DCC: variants seen among roughly 807,000 people sequenced by gnomAD.
DCC encodes the protein DCC netrin 1 receptor.
Under a neutral mutation model 172.5 loss-of-function variants are expected in DCC, and 58 were observed. The ratio of observed to expected loss-of-function variants is 0.34; its 90% CI spans 0.27 to 0.42. The LOEUF is 0.42. Ranked by LOEUF, DCC falls within the 10% of genes least tolerant of loss-of-function variation. The pLI, the probability that DCC is intolerant of heterozygous loss-of-function variation, is 1.00. For synonymous variants in DCC, 709 were observed against 644.5 expected (o/e 1.10, Z -1.52); for missense variants, 1,740 against 1,791.0 (o/e 0.97, Z 0.51).
intron 1 of DCC, among the ~76,000 whole-genome samples, chr18:52,366,899 G>T (rs567092012): frequency 2.0e-4 from 30 of 152,354 alleles, no homozygotes; most frequent in African/African-American, 6.5e-4. Context: ...CGTGCCGTGC[G>T]CTCGCACTCC....
At chr18:53,466,911 A>G (rs1346066309) in intron 24 of DCC, among the ~76,000 whole-genome samples, 1 of 152,212 alleles carries the variant, frequency 6.6e-6, no homozygotes, top group Non-Finnish European at 1.5e-5. Context: ...AGCTTCCATG[A>G]CTTCACCTAT....
intron 1 of DCC, among the ~76,000 whole-genome samples, chr18:52,611,596 T>A (rs1190202207): frequency 6.6e-6 from 1 of 152,194 alleles, no homozygotes; most frequent in Non-Finnish European, 1.5e-5. Flanking sequence ...ATGTTGGGTG[T>A]CTCCTATTAG....
At chr18:53,130,055 G>T (rs1430419131) in intron 7 of DCC, among the ~76,000 whole-genome samples, 1 of 151,964 alleles carries the variant, frequency 6.6e-6, no homozygotes, top group South Asian at 2.1e-4. Context: ...TGTGTTTCTT[G>T]TGTTACCTGT....
rs2038188076 is a variant in DCC, at chr18:52,811,052, G to A, written c.412+58678G>A. 2.0e-5 allele frequency among the ~76,000 whole-genome samples: 3 copies of A among 152,110 alleles called. No homozygotes were observed. The South Asian group carries it at 6.2e-4, about 32-fold the overall frequency. ...AGGGGACAACACACAAATCGTTGAT[G>A]AATTTTTAAAATGTGGGAAATTGAA... On this transcript the variant is annotated intron_variant, in intron 2 of 28. Coordinates refer to ENST00000442544, the MANE Select transcript of DCC (RefSeq NM_005215.4).
intron 2 of DCC, among the ~76,000 whole-genome samples, chr18:52,768,497 C>T (rs890506117): frequency 1.3e-5 from 2 of 152,168 alleles, no homozygotes; most frequent in African/African-American, 2.4e-5. Flanking sequence ...CTGCCCTCAA[C>T]ATTTCAGACT....
chr18:52,990,303 G>A (rs973989859), intron 5 of DCC, among the ~76,000 whole-genome samples: 1 of 152,016 alleles, frequency 6.6e-6, no homozygotes, highest in African/African-American at 2.4e-5. Flanking sequence ...CACTTTGGGA[G>A]GCAGAGGCAG....
chr18:53,319,424 C>T lies in DCC; in HGVS notation c.2054-2623C>T, dbSNP rs755766854. On this transcript the variant is annotated intron_variant, in intron 13 of 28. Coordinates refer to ENST00000442544, the MANE Select transcript of DCC (RefSeq NM_005215.4). ...AATAAAGGGCTGGAGGAATATTTAC[C>T]GAGAAAATGGAAAGAAAGAAGAAAA... 1.4e-4 allele frequency among the ~76,000 whole-genome samples: 21 copies of T among 151,598 alleles called. 1 individual carries two copies. Among genetic ancestry groups the T allele is most frequent in the South Asian group, 4.2e-4 (2 of 4,786 alleles).
At chr18:53,458,264 T>C (rs16956767) in intron 23 of DCC, among the ~76,000 whole-genome samples, 73,905 of 152,006 alleles carry the variant, frequency 0.49, 18,980 homozygotes, top group Non-Finnish European at 0.58. Context: ...GGGTCAAAAA[T>C]GATTTCTGAA....
intron 7 of DCC, among the ~76,000 whole-genome samples, chr18:53,150,813 G>A (rs1326619046): frequency 1.3e-5 from 2 of 152,214 alleles, no homozygotes; most frequent in Non-Finnish European, 2.9e-5. Context: ...CTGAGAGGTA[G>A]CAAGGAGGCT....
rs567337795 is a variant in DCC, at chr18:53,266,469, A to G, written c.1912-39109A>G. ...GTTCAAGGTGAAGTAATTTATTTAC[A>G]AACACTCAAAGTTGAGACTCAACCC... On this transcript the variant is annotated intron_variant, in intron 12 of 28. Transcript: ENST00000442544. Among the ~76,000 whole-genome samples, 12 of 152,308 alleles carry G rather than the reference A, an allele frequency of 7.9e-5. No individual in the cohort carries two copies. In the East Asian group the frequency reaches 2.3e-3, roughly 29 times the overall value.
At chr18:52,451,228 C>T (rs1476862703) in intron 1 of DCC, among the ~76,000 whole-genome samples, 1 of 151,980 alleles carries the variant, frequency 6.6e-6, no homozygotes. Context: ...AAGAGGTGAC[C>T]TAGGGTATAT....
chr18:52,436,774 G>T lies in DCC; in HGVS notation c.91+95896G>T, dbSNP rs1439393563. 2.6e-5 allele frequency among the ~76,000 whole-genome samples: 4 copies of T among 152,102 alleles called. No homozygotes were observed. The East Asian group carries it at 7.7e-4, about 29-fold the overall frequency. The stretch of plus-strand genomic sequence containing the variant: ...ACTACAAACAAACAAACAAAAATCA[G>T]CTAGGCATGGTGGTACGCACCAGTA... On this transcript the variant is annotated intron_variant, in intron 1 of 28. Coordinates refer to ENST00000442544, the MANE Select transcript of DCC (RefSeq NM_005215.4).
rs71175533 is a variant in DCC at position 52,879,412 on chromosome 18, C to CTTTTTTTTTTTTTTTTTT, written c.413-26620_413-26603dup. On this transcript the variant is annotated intron_variant, in intron 2 of 28. Coordinates refer to ENST00000442544, the MANE Select transcript of DCC (RefSeq NM_005215.4). ...AATTTCTAGCCCATATGTTGTTTGG[C>CTTTTTTTTTTTTTTTTTT]TTTTTTTTTTTTTTTTTTTTTTTTT... Among the ~76,000 whole-genome samples, 248 of 62,298 alleles carry CTTTTTTTTTTTTTTTTTT rather than the reference C, an allele frequency of 4.0e-3. 54 individuals carry two copies. The highest frequency in any genetic ancestry group is 4.7e-3 in the East Asian group (8 of 1,698). The allele number at this position is 62,298 out of a possible 152,430, so 40.9% of individuals were successfully genotyped here. A position where few individuals can be genotyped will look rare whatever the true frequency, so the allele number is the denominator to read the frequency against.
chr18:52,856,047 G>A (rs1044715493), intron 2 of DCC, among the ~76,000 whole-genome samples: 2 of 151,732 alleles, frequency 1.3e-5, no homozygotes, highest in Admixed American at 1.3e-4. Flanking sequence ...TTACAGGCGT[G>A]AGCCACCGCG....
chr18:53,033,462 TG>T (rs1160945370), intron 5 of DCC, among the ~76,000 whole-genome samples: 1 of 152,168 alleles, frequency 6.6e-6, no homozygotes, highest in Non-Finnish European at 1.5e-5. Flanking sequence ...TTGATGACTT[TG>T]CTTTCCATTT....
intron 1 of DCC, among the ~76,000 whole-genome samples, chr18:52,494,505 A>G (rs934438448): frequency 6.6e-6 from 1 of 152,008 alleles, no homozygotes. Flanking sequence ...TCTTTTATGT[A>G]CTTTCCGATA....
chr18:53,514,701 G>T (rs2046311123), intron 27 of DCC, among the ~76,000 whole-genome samples: 1 of 151,132 alleles, frequency 6.6e-6, no homozygotes, highest in African/African-American at 2.4e-5. Flanking sequence ...AAATCTAGAA[G>T]AAATGGATAA....
At chr18:53,251,451 A>G (rs982463997) in intron 12 of DCC, among the ~76,000 whole-genome samples, 1 of 151,994 alleles carries the variant, frequency 6.6e-6, no homozygotes, top group African/African-American at 2.4e-5. Context: ...TATGGATATA[A>G]CTAACAATAA....
chr18:52,428,697 C>A (rs1987522884), intron 1 of DCC, among the ~76,000 whole-genome samples: 2 of 152,062 alleles, frequency 1.3e-5, no homozygotes, highest in Admixed American at 1.3e-4. Flanking sequence ...TGAGACAGAG[C>A]AAGCCATGGA....
Sources: allele counts gnomAD v4.1 joint callset (sites outside exome capture counted in the v4.1 genomes callset), GRCh38; gene constraint gnomAD v4.1.1; transcripts MANE v1.5; gene names NCBI Gene and HGNC (gene_info 2026-07-23, HGNC 2026-07-21).